The following ZNF385B variants were observed in gnomAD, a reference collection of about 807,000 sequenced individuals.
ZNF385B encodes zinc finger protein 385B, also known as zinc finger protein 533.
A neutral mutation model predicts 39.2 loss-of-function variants in ZNF385B; 23 were observed. The observed-to-expected ratio is 0.59, with a 90% CI of 0.42 to 0.83. ZNF385B has a LOEUF of 0.83. Among genes scored for constraint, ZNF385B ranks in the 40% least tolerant of loss-of-function variants. The pLI is 0.00. For missense variants in ZNF385B, 552 were observed against 598.9 expected (o/e 0.92, Z 0.82); for synonymous variants, 205 against 222.6 (o/e 0.92, Z 0.70).
At chr2:179,813,631 G>A (rs1559218379) in intron 1 of ZNF385B, among the ~76,000 whole-genome samples, 1 of 152,146 alleles carries the variant, frequency 6.6e-6, no homozygotes, top group Non-Finnish European at 1.5e-5. Flanking sequence ...CCCTATAGTA[G>A]TCAAATAAAT....
chr2:179,797,877 G>C (rs981569251), intron 1 of ZNF385B, among the ~76,000 whole-genome samples: 6 of 152,040 alleles, frequency 3.9e-5, no homozygotes, highest in Admixed American at 6.6e-5. Context: ...GTTATTGTGC[G>C]ATAGTAATAC....
chr2:179,633,648 A>G (rs1308303057), intron 3 of ZNF385B, among the ~76,000 whole-genome samples: 2 of 152,230 alleles, frequency 1.3e-5, no homozygotes, highest in Non-Finnish European at 2.9e-5. Flanking sequence ...GGCATAAGAC[A>G]AGGATGCCCC....
At chr2:179,827,381 A>C (rs1036490469) in intron 1 of ZNF385B, among the ~76,000 whole-genome samples, 2 of 152,178 alleles carry the variant, frequency 1.3e-5, no homozygotes, top group Non-Finnish European at 2.9e-5. Context: ...AAGTCACAAA[A>C]GACTTTTAAG....
chr2:179,802,549 C>T (rs1243682902), intron 1 of ZNF385B: 1 of 152,116 alleles, frequency 6.6e-6, no homozygotes, highest in Non-Finnish European at 1.5e-5. Flanking sequence ...CAGTCTCCAT[C>T]TGTCTTGGGA....
intron 1 of ZNF385B, among the ~76,000 whole-genome samples, chr2:179,833,276 C>A (rs1280756012): frequency 6.6e-6 from 1 of 151,972 alleles, no homozygotes; most frequent in Admixed American, 6.6e-5. Context: ...AAAAACCACA[C>A]AAATAAAATG....
chr2:179,590,018 T>G (rs1160767628), intron 3 of ZNF385B, among the ~76,000 whole-genome samples: 1 of 152,192 alleles, frequency 6.6e-6, no homozygotes. Flanking sequence ...AAAATACATG[T>G]TTAAAAAGGC....
intron 3 of ZNF385B, among the ~76,000 whole-genome samples, chr2:179,662,898 T>C (rs370284903): frequency 2.0e-5 from 3 of 152,202 alleles, no homozygotes; most frequent in South Asian, 2.1e-4. Flanking sequence ...CTAAAAATCA[T>C]TGAGGAGCAC....
intron 3 of ZNF385B, among the ~76,000 whole-genome samples, chr2:179,630,971 A>C (rs1162745189): frequency 6.6e-6 from 1 of 152,214 alleles, no homozygotes; most frequent in East Asian, 1.9e-4. Flanking sequence ...GGTTAGAGAA[A>C]AAAGAGTAAA....
At chr2:179,751,593 T>C (rs1237690898) in intron 3 of ZNF385B, among the ~76,000 whole-genome samples, 2 of 151,686 alleles carry the variant, frequency 1.3e-5, no homozygotes, top group Non-Finnish European at 2.9e-5. Flanking sequence ...CCAGAAGCCA[T>C]TTAATACCAA....
chr2:179,728,026 G>T (rs553419487), intron 3 of ZNF385B, among the ~76,000 whole-genome samples: 16 of 151,992 alleles, frequency 1.1e-4, no homozygotes, highest in African/African-American at 3.9e-4. Context: ...AAAATGCCCC[G>T]ACTCTTGAAA....
At chr2:179,627,677 G>A (rs974840951) in intron 3 of ZNF385B, among the ~76,000 whole-genome samples, 4 of 152,114 alleles carry the variant, frequency 2.6e-5, no homozygotes, top group Admixed American at 6.5e-5. Context: ...GTATTCACAT[G>A]TTGCAAACTG....
chr2:179,483,463 T>G, intron 5 of ZNF385B, 29 bp from the exon 6 acceptor site: 2 of 1,612,836 alleles, frequency 1.2e-6, no homozygotes, highest in Non-Finnish European at 1.7e-6. Flanking sequence ...CAGGCTCATT[T>G]TTTTGCTAAT....
rs138326471 is a variant in ZNF385B, at chr2:179,690,293, G to A, written c.298+79210C>T. On this transcript the variant is annotated intron_variant, in intron 3 of 9. Coordinates refer to ENST00000410066, the MANE Select transcript of ZNF385B (RefSeq NM_152520.6). ...TGCTTATTATCTTCATGTGAACTCG[G>A]AGCTAGCTTCACGGAAAAGTGATCT... Among the ~76,000 whole-genome samples, 151 of 152,194 alleles carry A rather than the reference G, an allele frequency of 9.9e-4. 1 individual carries two copies. The highest frequency in any genetic ancestry group is 3.2e-3 in the African/African-American group (134 of 41,532).
intron 5 of ZNF385B, among the ~76,000 whole-genome samples, chr2:179,500,577 C>G: frequency 6.6e-6 from 1 of 152,004 alleles, no homozygotes; most frequent in African/African-American, 2.4e-5. Context: ...CCATCTCTTG[C>G]CATATATAAA....
chr2:179,514,953 T>G (rs1392316155), intron 5 of ZNF385B, among the ~76,000 whole-genome samples: 1 of 152,104 alleles, frequency 6.6e-6, no homozygotes, highest in Non-Finnish European at 1.5e-5. Context: ...TAATTTTGTA[T>G]TTTTAGTAGA....
In ZNF385B at chr2:179,483,439, A is replaced by G; in HGVS notation, c.553-5T>C. On this transcript the variant is annotated splice_polypyrimidine_tract_variant and splice_region_variant and intron_variant, in intron 5 of 9. Coordinates refer to ENST00000410066, the MANE Select transcript of ZNF385B (RefSeq NM_152520.6). The stretch of plus-strand genomic sequence containing the variant: ...GTAGTGGGCCTCGGCCTGGCTCTAC[A>G]AAGGAGAACAAATCAGGCTCATTTT... 6.2e-7 allele frequency: 1 copy of G among 1,613,758 alleles called. No homozygotes were observed. Among genetic ancestry groups the G allele is most frequent in the East Asian group, 2.2e-5 (1 of 44,868 alleles).
intron 1 of ZNF385B, among the ~76,000 whole-genome samples, chr2:179,782,201 A>C (rs1034809945): frequency 1.3e-5 from 2 of 152,224 alleles, no homozygotes; most frequent in African/African-American, 4.8e-5. Flanking sequence ...AATAAATGTG[A>C]TTCATCACAT....
At chr2:179,533,756 C>T (rs2059401062) in intron 4 of ZNF385B, among the ~76,000 whole-genome samples, 1 of 151,952 alleles carries the variant, frequency 6.6e-6, no homozygotes, top group Admixed American at 6.6e-5. Flanking sequence ...TTTTAAATTG[C>T]CATTTTAACC....
At chr2:179,609,134 T>C (rs1342620716) in intron 3 of ZNF385B, among the ~76,000 whole-genome samples, 1 of 152,042 alleles carries the variant, frequency 6.6e-6, no homozygotes, top group Non-Finnish European at 1.5e-5. Flanking sequence ...AATCATTCGG[T>C]TGTGCTATCA....
Sources: allele counts gnomAD v4.1 joint callset (sites outside exome capture counted in the v4.1 genomes callset), GRCh38; gene constraint gnomAD v4.1.1; transcripts MANE v1.5; gene names NCBI Gene and HGNC (gene_info 2026-07-23, HGNC 2026-07-21).